Variants in LPP observed in about 807,000 individuals in gnomAD.
LPP encodes the protein LIM domain containing preferred translocation partner in lipoma.
A neutral mutation model predicts 60.4 loss-of-function variants in LPP; 38 were observed. That is an observed-to-expected ratio of 0.63 (90% CI 0.49 to 0.83). The LOEUF is 0.83. Ranked by LOEUF, LPP falls within the 40% of genes least tolerant of loss-of-function variation. LPP has a pLI of 0.00. For synonymous variants in LPP, 328 were observed against 290.8 expected (o/e 1.13, Z -1.30); for missense variants, 902 against 783.6 (o/e 1.15, Z -1.80).
At chr3:188,276,521 GTTGAA>G (rs1182731598) in intron 2 of LPP, among the ~76,000 whole-genome samples, 2 of 152,202 alleles carry the variant, frequency 1.3e-5, no homozygotes, top group African/African-American at 4.8e-5. Flanking sequence ...CAAATCTCAT[GTTGAA>G]TTCTAATCCT....
chr3:188,641,626 T>C (rs547776586), intron 7 of LPP, among the ~76,000 whole-genome samples: 1 of 152,226 alleles, frequency 6.6e-6, no homozygotes, highest in Non-Finnish European at 1.5e-5. Context: ...GGCTTCATTA[T>C]GTGTTTTGCA....
chr3:188,755,337 C>A (rs1729783322), intron 8 of LPP, among the ~76,000 whole-genome samples: 1 of 152,110 alleles, frequency 6.6e-6, no homozygotes, highest in African/African-American at 2.4e-5. Context: ...CATCAACTCC[C>A]AAAATGGCTG....
intron 7 of LPP, among the ~76,000 whole-genome samples, chr3:188,678,494 G>C (rs1194816755): frequency 1.3e-5 from 2 of 152,158 alleles, no homozygotes; most frequent in Non-Finnish European, 2.9e-5. Context: ...CCTTACTCTA[G>C]TGAGCAGAAA....
chr3:188,334,650 CCTT>C (rs1761150748), intron 2 of LPP, among the ~76,000 whole-genome samples: 1 of 152,024 alleles, frequency 6.6e-6, no homozygotes, highest in Non-Finnish European at 1.5e-5. Context: ...AGGATGGTCT[CCTT>C]CTCTTGACCT....
chr3:188,594,120 A>G (rs1253137474), intron 6 of LPP, among the ~76,000 whole-genome samples: 2 of 152,198 alleles, frequency 1.3e-5, no homozygotes, highest in African/African-American at 4.8e-5. Context: ...GCTTAGAACA[A>G]TGGTACTCAA....
intron 2 of LPP, chr3:188,240,275 G>A (rs182644675): frequency 1.8e-5 from 3 of 170,508 alleles, no homozygotes; most frequent in Admixed American, 1.3e-4. Context: ...GGGAACATGG[G>A]TAGGAATAGC....
chr3:188,703,242 C>T (rs1246599916), intron 7 of LPP, among the ~76,000 whole-genome samples: 1 of 152,218 alleles, frequency 6.6e-6, no homozygotes, highest in Non-Finnish European at 1.5e-5. Flanking sequence ...GCACCTCCCA[C>T]CACAAATATT....
chr3:188,256,663 T>C (rs1307030782), intron 2 of LPP, among the ~76,000 whole-genome samples: 1 of 152,196 alleles, frequency 6.6e-6, no homozygotes, highest in East Asian at 1.9e-4. Flanking sequence ...TATAGCAACA[T>C]CAATGATAAA....
intron 8 of LPP, among the ~76,000 whole-genome samples, chr3:188,754,016 G>T (rs151301420): frequency 6.6e-6 from 1 of 152,276 alleles, no homozygotes; most frequent in Non-Finnish European, 1.5e-5. Context: ...ATTGCATATT[G>T]CTACATTATG....
intron 4 of LPP, among the ~76,000 whole-genome samples, chr3:188,443,422 C>T (rs1043522024): frequency 2.0e-4 from 30 of 152,182 alleles, no homozygotes; most frequent in African/African-American, 5.5e-4. Context: ...GGTTATCTTA[C>T]GCTATTGAAC....
chr3:188,397,232 C>T (rs1277064289), intron 3 of LPP, among the ~76,000 whole-genome samples: 1 of 152,120 alleles, frequency 6.6e-6, no homozygotes, highest in African/African-American at 2.4e-5. Context: ...TAAACCCAGC[C>T]TCTGATATGT....
intron 7 of LPP, among the ~76,000 whole-genome samples, chr3:188,668,321 A>G (rs1348321937): frequency 1.3e-5 from 2 of 152,204 alleles, no homozygotes; most frequent in African/African-American, 4.8e-5. Flanking sequence ...ACAATGTACA[A>G]TAGGAAATCA....
In LPP at chr3:188,193,608, GT is replaced by G. The variant is rs1408850152; in HGVS notation, c.-189-31795del. On this transcript the variant is annotated intron_variant, in intron 1 of 11. Coordinates refer to ENST00000617246, the MANE Select transcript of LPP (RefSeq NM_001375462.1). The stretch of plus-strand genomic sequence containing the variant: ...TGATATTTGCACAAGTCTGACCTCT[GT>G]TGTGTGTGGTCAGGCACTGAAGGGT... 2.0e-5 allele frequency among the ~76,000 whole-genome samples: 3 copies of G among 152,326 alleles called. No homozygotes were observed. In the East Asian group the frequency reaches 5.8e-4, roughly 29 times the overall value.
At chr3:188,564,970 T>G (rs1831769396) in intron 6 of LPP, among the ~76,000 whole-genome samples, 2 of 152,082 alleles carry the variant, frequency 1.3e-5, no homozygotes, top group Admixed American at 6.6e-5. Flanking sequence ...GCCGTGTGTC[T>G]CTGGCTTTTG....
chr3:188,399,904 G>C (rs1401205374), intron 3 of LPP, among the ~76,000 whole-genome samples: 1 of 152,240 alleles, frequency 6.6e-6, no homozygotes, highest in African/African-American at 2.4e-5. Flanking sequence ...GTGGGTGACA[G>C]TGACTTGACA....
intron 1 of LPP, among the ~76,000 whole-genome samples, chr3:188,208,016 CT>C (rs1733773565): frequency 6.6e-6 from 1 of 152,198 alleles, no homozygotes; most frequent in African/African-American, 2.4e-5. Context: ...ATAGTAGATG[CT>C]CACACATCTA....
intron 3 of LPP, among the ~76,000 whole-genome samples, chr3:188,345,869 GA>G (rs1214310300): frequency 1.3e-5 from 2 of 152,180 alleles, no homozygotes; most frequent in African/African-American, 4.8e-5. Flanking sequence ...TCAAAGAGTA[GA>G]AATCAGTTGA....
chr3:188,230,206 T>C (rs1719370095), intron 2 of LPP, among the ~76,000 whole-genome samples: 1 of 151,962 alleles, frequency 6.6e-6, no homozygotes, highest in Non-Finnish European at 1.5e-5. Flanking sequence ...TTGCCTCAGC[T>C]GCCCGAGTAG....
At chr3:188,724,259 G>A (rs1334751838) in intron 8 of LPP, among the ~76,000 whole-genome samples, 1 of 152,136 alleles carries the variant, frequency 6.6e-6, no homozygotes, top group Non-Finnish European at 1.5e-5. Flanking sequence ...ACAGAACCCA[G>A]CTCTTAACCC....
Sources: gnomAD v4.1 joint callset for allele counts (sites outside exome capture counted in the v4.1 genomes callset) on GRCh38, gnomAD v4.1.1 for gene constraint, MANE v1.5 for transcripts, NCBI Gene and HGNC (gene_info 2026-07-23, HGNC 2026-07-21) for gene names.